The following SGCD variants were observed in gnomAD, a reference collection of about 807,000 sequenced individuals.
The protein encoded by SGCD is delta-sarcoglycan.
Under a neutral mutation model 36.6 loss-of-function variants are expected in SGCD, and 18 were observed. The observed-to-expected ratio is 0.49, with a 90% CI of 0.34 to 0.73. SGCD has a LOEUF of 0.73. Ranked by LOEUF, SGCD falls within the 30% of genes least tolerant of loss-of-function variation. The pLI is 0.01. For synonymous variants in SGCD, 133 were observed against 130.6 expected (o/e 1.02, Z -0.12); for missense variants, 387 against 346.7 (o/e 1.12, Z -0.92).
At chr5:156,398,658 A>T (rs1463859495) in intron 3 of SGCD, among the ~76,000 whole-genome samples, 1 of 152,130 alleles carries the variant, frequency 6.6e-6, no homozygotes, top group East Asian at 1.9e-4. Context: ...CATAGTTCTC[A>T]CTCATGTAAT....
intron 3 of SGCD, among the ~76,000 whole-genome samples, chr5:156,173,907 T>G (rs915045378): frequency 6.6e-6 from 1 of 152,186 alleles, no homozygotes; most frequent in South Asian, 2.1e-4. Flanking sequence ...CACCTGCAAT[T>G]ACTAATTATG....
intron 1 of SGCD, among the ~76,000 whole-genome samples, chr5:155,888,387 CTTT>C (rs1561639268): frequency 6.6e-6 from 1 of 152,158 alleles, no homozygotes. Flanking sequence ...GGAGAAATAT[CTTT>C]TATTCACCCA....
chr5:156,185,284 G>A (rs1306099824), intron 3 of SGCD, among the ~76,000 whole-genome samples: 3 of 145,226 alleles, frequency 2.1e-5, no homozygotes, highest in Non-Finnish European at 1.5e-5. Flanking sequence ...GCACAATCTC[G>A]GCTCACTGTA....
At chr5:156,052,472 G>T (rs889308620) in intron 1 of SGCD, among the ~76,000 whole-genome samples, 3 of 146,388 alleles carry the variant, frequency 2.0e-5, no homozygotes, top group African/African-American at 7.4e-5. Context: ...GTTTATAAAA[G>T]ATTACTCTGG....
At chr5:156,703,509 C>A (rs757336451) in intron 7 of SGCD, among the ~76,000 whole-genome samples, 6 of 151,734 alleles carry the variant, frequency 4.0e-5, no homozygotes, top group African/African-American at 9.7e-5. Flanking sequence ...TTTTAACATG[C>A]ATTTAAAAGA....
intron 3 of SGCD, among the ~76,000 whole-genome samples, chr5:156,392,125 C>G (rs1394479610): frequency 6.6e-6 from 1 of 152,192 alleles, no homozygotes; most frequent in Non-Finnish European, 1.5e-5. Context: ...GACTCTAAGA[C>G]ATTTGCTATC....
intron 3 of SGCD, among the ~76,000 whole-genome samples, chr5:156,309,750 T>A (rs1767341005): frequency 6.6e-6 from 1 of 151,978 alleles, no homozygotes; most frequent in South Asian, 2.1e-4. Flanking sequence ...CCTCCCAAAG[T>A]GCTGGGATTA....
At chr5:156,302,903 G>A (rs1581230364) in intron 3 of SGCD, among the ~76,000 whole-genome samples, 1 of 152,332 alleles carries the variant, frequency 6.6e-6, no homozygotes, top group African/African-American at 2.4e-5. Flanking sequence ...CACTGGGATT[G>A]TGCTGGGTCA....
At chr5:156,304,229 T>C (rs910003919) in intron 3 of SGCD, among the ~76,000 whole-genome samples, 1 of 152,222 alleles carries the variant, frequency 6.6e-6, no homozygotes, top group African/African-American at 2.4e-5. Flanking sequence ...CTTTTTGCTA[T>C]GACAAGTTAG....
chr5:156,254,364 T>A (rs1765659387), intron 3 of SGCD, among the ~76,000 whole-genome samples: 1 of 152,188 alleles, frequency 6.6e-6, no homozygotes, highest in South Asian at 2.1e-4. Flanking sequence ...CCTAATGCTA[T>A]CCCTCCCCGC....
At chr5:156,350,131 G>A (rs1429233839) in intron 3 of SGCD, among the ~76,000 whole-genome samples, 1 of 150,986 alleles carries the variant, frequency 6.6e-6, no homozygotes, top group Non-Finnish European at 1.5e-5. Context: ...CTACCTGTTG[G>A]GTAGAGTATA....
chr5:156,271,440 T>C (rs1351283477), intron 3 of SGCD, among the ~76,000 whole-genome samples: 1 of 152,138 alleles, frequency 6.6e-6, no homozygotes, highest in Non-Finnish European at 1.5e-5. Context: ...CTGGAATCTG[T>C]AGGTAGGCCA....
intron 4 of SGCD, among the ~76,000 whole-genome samples, chr5:156,512,297 A>T (rs1219816319): frequency 6.6e-6 from 1 of 151,904 alleles, no homozygotes; most frequent in African/African-American, 2.4e-5. Context: ...TTCTGTACTG[A>T]TGCAATGATG....
At chr5:156,302,293 T>C (rs1000323725) in intron 3 of SGCD, among the ~76,000 whole-genome samples, 1 of 152,080 alleles carries the variant, frequency 6.6e-6, no homozygotes, top group African/African-American at 2.4e-5. Flanking sequence ...AGTTCTGTTG[T>C]TGAGAGACTG....
At chr5:155,873,056 T>G (rs909463344) in intron 1 of SGCD, among the ~76,000 whole-genome samples, 4 of 152,100 alleles carry the variant, frequency 2.6e-5, no homozygotes, top group African/African-American at 4.8e-5. Context: ...AAAGGCACAA[T>G]GTAGTTATTG....
In SGCD at chr5:156,198,861, T is replaced by C. The variant is rs60894963; in HGVS notation, c.-44+74842T>C. Among the ~76,000 whole-genome samples the C allele has an allele frequency of 1.4e-3, 213 of 152,040 alleles. 1 individual carries two copies. Among genetic ancestry groups the C allele is most frequent in the African/African-American group, 5.1e-3 (210 of 41,472 alleles). ...GCCAATGGTGGTTTTTATTTTATTA[T>C]TATTATTATTTGATTTTAGAAATGG... On this transcript the variant is annotated intron_variant, in intron 3 of 9. Transcript: ENST00000517913.
intron 3 of SGCD, among the ~76,000 whole-genome samples, chr5:156,464,282 G>A (rs1188356185): frequency 6.9e-6 from 1 of 144,460 alleles, no homozygotes; most frequent in Non-Finnish European, 1.5e-5. Context: ...GTGCAATGGT[G>A]TGATCTCAGC....
At chr5:156,630,557 T>C (rs1687432254) in intron 6 of SGCD, among the ~76,000 whole-genome samples, 1 of 152,202 alleles carries the variant, frequency 6.6e-6, no homozygotes, top group South Asian at 2.1e-4. Context: ...TCATAGACCA[T>C]TGGGTTTTAG....
At chr5:156,679,870 C>G (rs1753656941) in intron 7 of SGCD, among the ~76,000 whole-genome samples, 1 of 152,110 alleles carries the variant, frequency 6.6e-6, no homozygotes, top group African/African-American at 2.4e-5. Flanking sequence ...CTTAGTTACT[C>G]AAGTGACTAT....
Sources: gnomAD v4.1 joint callset for allele counts (sites outside exome capture counted in the v4.1 genomes callset) on GRCh38, gnomAD v4.1.1 for gene constraint, MANE v1.5 for transcripts, NCBI Gene and HGNC (gene_info 2026-07-23, HGNC 2026-07-21) for gene names.